Variants in DCLK1 observed in about 807,000 individuals in gnomAD.
The protein encoded by DCLK1 is doublecortin like kinase 1, also known as serine/threonine-protein kinase DCLK1.
A neutral mutation model predicts 86.2 loss-of-function variants in DCLK1; 16 were observed. The observed-to-expected ratio is 0.19, with a 90% CI of 0.13 to 0.28. The LOEUF (loss-of-function observed/expected upper bound fraction) is 0.28. Ranked by LOEUF, DCLK1 falls within the 10% of genes least tolerant of loss-of-function variation. DCLK1 has a pLI of 1.00. For missense variants in DCLK1, 590 were observed against 940.2 expected, an observed-to-expected ratio of 0.63 and a Z score of 4.87; for synonymous variants, 369 against 370.5, an observed-to-expected ratio of 1.00 and a Z score of 0.05.
intron 4 of DCLK1, among the ~76,000 whole-genome samples, chr13:35,917,773 A>T (rs1566601950): frequency 6.7e-6 from 1 of 148,454 alleles, no homozygotes; most frequent in Non-Finnish European, 1.5e-5. Context: ...TACCCTGGGA[A>T]TATTTTAGGC....
At chr13:36,099,102 G>A (rs1408793813) in intron 3 of DCLK1, among the ~76,000 whole-genome samples, 1 of 151,924 alleles carries the variant, frequency 6.6e-6, no homozygotes, top group Non-Finnish European at 1.5e-5. Context: ...TGAGTAGCTG[G>A]TATTACAGGT....
At chr13:35,816,623 G>A (rs909234009) in intron 11 of DCLK1, among the ~76,000 whole-genome samples, 8 of 152,080 alleles carry the variant, frequency 5.3e-5, no homozygotes, top group African/African-American at 1.7e-4. Flanking sequence ...ATTGAGATTC[G>A]AAGATGTAAA....
chr13:36,039,496 C>T (rs1882625782), intron 3 of DCLK1, among the ~76,000 whole-genome samples: 1 of 152,078 alleles, frequency 6.6e-6, no homozygotes. Flanking sequence ...TTTTTTTCAG[C>T]ACCACTTTCT....
chr13:36,026,788 A>G (rs1231990040), intron 3 of DCLK1, among the ~76,000 whole-genome samples: 1 of 152,158 alleles, frequency 6.6e-6, no homozygotes, highest in African/African-American at 2.4e-5. Flanking sequence ...ACAAGCAGAC[A>G]CACTCTTAGT....
At chr13:36,072,274 T>C (rs1464344265) in intron 3 of DCLK1, among the ~76,000 whole-genome samples, 1 of 152,218 alleles carries the variant, frequency 6.6e-6, no homozygotes, top group African/African-American at 2.4e-5. Flanking sequence ...CTGTCCCAGA[T>C]ATGCTTTCAG....
intron 1 of DCLK1, among the ~76,000 whole-genome samples, chr13:36,130,643 C>G (rs1886330881): frequency 6.6e-6 from 1 of 152,140 alleles, no homozygotes; most frequent in South Asian, 2.1e-4. Flanking sequence ...CCACCACGCA[C>G]GAATCGACCC....
chr13:35,826,707 T>A (rs543650096), intron 10 of DCLK1, among the ~76,000 whole-genome samples: 8 of 152,030 alleles, frequency 5.3e-5, no homozygotes, highest in Non-Finnish European at 8.8e-5. Flanking sequence ...ATTTTTCATA[T>A]CATCGCAGAT....
chr13:35,785,172 C>A (rs1319247201), intron 16 of DCLK1, among the ~76,000 whole-genome samples: 1 of 152,194 alleles, frequency 6.6e-6, no homozygotes, highest in Admixed American at 6.5e-5. Context: ...TCGGGTTACC[C>A]AGTTCTAGCT....
chr13:36,052,490 G>A lies in DCLK1; in HGVS notation c.723+59379C>T, dbSNP rs573721645. Reference sequence around the variant, plus strand: ...AAAATATAGAAATGACCAACCTTAGGTTGATAATTCATTCATTCTGTGAAA... The same window carrying A: ...AAAATATAGAAATGACCAACCTTAGATTGATAATTCATTCATTCTGTGAAA... On this transcript the variant is annotated intron_variant, in intron 3 of 16. Transcript: ENST00000360631. Among the ~76,000 whole-genome samples, 10 of 152,172 alleles carry A rather than the reference G, an allele frequency of 6.6e-5. No homozygotes were observed. The South Asian group carries it at 1.9e-3, about 28-fold the overall frequency.
Position 35,774,518 on chromosome 13 carries a change from T to C in DCLK1, c.*17A>G. On this transcript the variant is annotated 3_prime_UTR_variant, in exon 17 of 17. Coordinates refer to ENST00000360631, the MANE Select transcript of DCLK1 (RefSeq NM_001330071.2). ...GTCTCAAAGGGTTAAGCTAGGACTT[T>C]GAGTAAAAGGGTCTTATTAAAAGGG... is the stretch of plus-strand genomic sequence containing the variant. 6.4e-7 allele frequency: 1 copy of C among 1,551,312 alleles called. No individual in the cohort carries two copies. Among genetic ancestry groups the C allele is most frequent in the South Asian group, 1.2e-5 (1 of 84,052 alleles).
intron 5 of DCLK1, among the ~76,000 whole-genome samples, chr13:35,860,581 T>C (rs1159764196): frequency 6.6e-6 from 1 of 152,160 alleles, no homozygotes; most frequent in Non-Finnish European, 1.5e-5. Context: ...GCTCTGTGAA[T>C]TAATTTTTTA....
chr13:35,991,259 T>C (rs1295087224), intron 3 of DCLK1, among the ~76,000 whole-genome samples: 1 of 152,150 alleles, frequency 6.6e-6, no homozygotes, highest in Admixed American at 6.5e-5. Context: ...CAGACCTTTA[T>C]CCAATCATAC....
In DCLK1 at chr13:35,809,115, T is replaced by TA. The variant is rs750886506; in HGVS notation, c.1689-21dup. On this transcript the variant is annotated intron_variant, in intron 12 of 16. Transcript: ENST00000360631. The stretch of plus-strand genomic sequence containing the variant: ...CCGTATCTGGAAAAATAAGGGATGT[T>TA]AGAGTTAGGAGGGTCAGGCTCGGAC... 2 of 1,605,570 alleles carry TA rather than the reference T, an allele frequency of 1.2e-6. No individual in the cohort carries two copies. Among genetic ancestry groups the TA allele is most frequent in the Admixed American group, 3.3e-5 (2 of 59,862 alleles).
intron 3 of DCLK1, among the ~76,000 whole-genome samples, chr13:35,976,559 C>G (rs1389996615): frequency 2.9e-5 from 2 of 69,832 alleles, no homozygotes; most frequent in African/African-American, 8.1e-5. Flanking sequence ...GAGACGGAGT[C>G]TCGCTCTGTC....
intron 3 of DCLK1, among the ~76,000 whole-genome samples, chr13:36,008,037 G>A (rs1234326190): frequency 6.6e-6 from 1 of 150,822 alleles, no homozygotes; most frequent in South Asian, 2.1e-4. Flanking sequence ...TTCTTCTTAT[G>A]AACAAAATAT....
chr13:35,772,185 A>C lies in DCLK1; in HGVS notation c.*2350T>G, dbSNP rs956313278. On this transcript the variant is annotated 3_prime_UTR_variant, in exon 17 of 17. Coordinates refer to ENST00000360631, the MANE Select transcript of DCLK1 (RefSeq NM_001330071.2). The stretch of plus-strand genomic sequence containing the variant: ...GATCCCCATGCTGAATGGGCCCTGC[A>C]TTCTTCTGAGCTGCCCTTCTGCAGT... 5 of 152,246 alleles carry C rather than the reference A, an allele frequency of 3.3e-5. No homozygotes were observed. Among genetic ancestry groups the C allele is most frequent in the Non-Finnish European group, 7.3e-5 (5 of 68,080 alleles). The allele number at this position is 152,246 out of a possible 1,614,324, so 9.4% of individuals were successfully genotyped here. A position where few individuals can be genotyped will look rare whatever the true frequency, so the allele number is the denominator to read the frequency against.
chr13:36,104,918 C>A (rs1460055843), intron 3 of DCLK1, among the ~76,000 whole-genome samples: 1 of 152,064 alleles, frequency 6.6e-6, no homozygotes. Context: ...AAGGGTCTTA[C>A]AGTTTTAAGA....
chr13:35,835,449 C>CA (rs1869291789), intron 8 of DCLK1, among the ~76,000 whole-genome samples: 1 of 152,204 alleles, frequency 6.6e-6, no homozygotes. Context: ...GTAACTTTAT[C>CA]AGTTGTCACT....
At chr13:36,013,486 T>G (rs376187707) in intron 3 of DCLK1, among the ~76,000 whole-genome samples, 36 of 152,150 alleles carry the variant, frequency 2.4e-4, no homozygotes, top group Non-Finnish European at 5.0e-4. Context: ...AATACTCTGC[T>G]GTGTGAGGTG....
Sources: gnomAD v4.1 joint callset for allele counts (sites outside exome capture counted in the v4.1 genomes callset) on GRCh38, gnomAD v4.1.1 for gene constraint, MANE v1.5 for transcripts, NCBI Gene and HGNC (gene_info 2026-07-23, HGNC 2026-07-21) for gene names.